Variants in SLC41A2 observed in about 807,000 individuals in gnomAD.
The protein encoded by SLC41A2 is solute carrier family 41 member 2, also known as SLC41A1-like 1.
Under a neutral mutation model 58.3 loss-of-function variants are expected in SLC41A2, and 32 were observed. The observed-to-expected ratio is 0.55, with a 90% CI of 0.41 to 0.74. The LOEUF is 0.74. Among genes scored for constraint, SLC41A2 ranks in the 30% least tolerant of loss-of-function variants. SLC41A2 has a pLI of 0.00. For synonymous variants in SLC41A2, 190 were observed against 235.0 expected, an observed-to-expected ratio of 0.81 and a Z score of 1.75; for missense variants, 514 against 680.6, an observed-to-expected ratio of 0.76 and a Z score of 2.72.
intron 10 of SLC41A2, among the ~76,000 whole-genome samples, chr12:104,842,016 T>C (rs1255055728): frequency 6.6e-6 from 1 of 152,028 alleles, no homozygotes; most frequent in Admixed American, 6.6e-5. Flanking sequence ...AACTAAAATA[T>C]TTGAATAAGA....
intron 4 of SLC41A2, 135 bp from the exon 5 acceptor site, chr12:104,889,312 G>T: frequency 1.1e-6 from 1 of 893,912 alleles, no homozygotes; most frequent in South Asian, 1.7e-5. Flanking sequence ...ACCTTTTAGA[G>T]TAGTTACTAT....
intron 4 of SLC41A2, among the ~76,000 whole-genome samples, chr12:104,889,769 T>A (rs1324767898): frequency 6.6e-6 from 1 of 152,108 alleles, no homozygotes; most frequent in Non-Finnish European, 1.5e-5. Flanking sequence ...ACCTCACAAA[T>A]AAGCACAATT....
At chr12:104,951,054 A>T (rs1268858103) in intron 1 of SLC41A2, among the ~76,000 whole-genome samples, 1 of 152,214 alleles carries the variant, frequency 6.6e-6, no homozygotes, top group African/African-American at 2.4e-5. Context: ...TTTTTAATTT[A>T]AAAAGTAATT....
At chr12:104,833,372 A>C (rs2042104328) in intron 10 of SLC41A2, among the ~76,000 whole-genome samples, 1 of 152,242 alleles carries the variant, frequency 6.6e-6, no homozygotes, top group Non-Finnish European at 1.5e-5. Context: ...ATACTTCTAC[A>C]GATGACATTA....
chr12:104,817,453 T>A (rs2041457196), intron 10 of SLC41A2, among the ~76,000 whole-genome samples: 1 of 152,188 alleles, frequency 6.6e-6, no homozygotes, highest in Non-Finnish European at 1.5e-5. Flanking sequence ...ACTTTATAAA[T>A]TTTTTAATTG....
intron 3 of SLC41A2, among the ~76,000 whole-genome samples, chr12:104,907,839 A>G (rs1248654727): frequency 6.6e-6 from 1 of 152,264 alleles, no homozygotes; most frequent in East Asian, 1.9e-4. Context: ...AGGACCTGGC[A>G]TATAATAAGA....
intron 6 of SLC41A2, among the ~76,000 whole-genome samples, chr12:104,884,910 G>T (rs1234865355): frequency 6.6e-6 from 1 of 152,154 alleles, no homozygotes; most frequent in African/African-American, 2.4e-5. Flanking sequence ...CTAGCCATAA[G>T]CTAATATTTT....
At chr12:104,823,407 A>G (rs567597586) in intron 10 of SLC41A2, among the ~76,000 whole-genome samples, 2 of 152,340 alleles carry the variant, frequency 1.3e-5, no homozygotes, top group South Asian at 2.1e-4. Flanking sequence ...AAAAGAAAAC[A>G]ACAGTTGCTT....
chr12:104,872,700 A>G (rs2043847055), intron 6 of SLC41A2, among the ~76,000 whole-genome samples: 1 of 152,190 alleles, frequency 6.6e-6, no homozygotes, highest in African/African-American at 2.4e-5. Context: ...ACTGCACTCC[A>G]GCCTGGGCGA....
At chr12:104,950,568 C>T (rs926939165) in intron 1 of SLC41A2, among the ~76,000 whole-genome samples, 2 of 152,184 alleles carry the variant, frequency 1.3e-5, no homozygotes, top group African/African-American at 4.8e-5. Flanking sequence ...CACAGTCTCA[C>T]TACTTTTCCC....
At chr12:104,873,099 T>C (rs1464346584) in intron 6 of SLC41A2, among the ~76,000 whole-genome samples, 2 of 152,228 alleles carry the variant, frequency 1.3e-5, no homozygotes, top group Non-Finnish European at 2.9e-5. Context: ...TGTACATTCA[T>C]TGGATCTCTA....
At chr12:104,938,091 C>A (rs974252418) in intron 1 of SLC41A2, among the ~76,000 whole-genome samples, 1 of 151,526 alleles carries the variant, frequency 6.6e-6, no homozygotes, top group African/African-American at 2.4e-5. Flanking sequence ...TTCTTGGTAG[C>A]ATTATCCATA....
At chr12:104,834,681 TAAAAA>T (rs35615983) in intron 10 of SLC41A2, among the ~76,000 whole-genome samples, 1 of 143,784 alleles carries the variant, frequency 7.0e-6, no homozygotes, top group African/African-American at 2.5e-5. Context: ...CATCATGATT[TAAAAA>T]AAAAAAAAGA....
At chr12:104,936,061 G>C (rs1471956104) in intron 1 of SLC41A2, among the ~76,000 whole-genome samples, 1 of 150,846 alleles carries the variant, frequency 6.6e-6, no homozygotes, top group Non-Finnish European at 1.5e-5. Flanking sequence ...AAAAATTCCT[G>C]TTGCCTAGTG....
In SLC41A2 at chr12:104,818,993, AAC is replaced by A. The variant is rs373670872; in HGVS notation, c.1537-13658_1537-13657del. Among the ~76,000 whole-genome samples the A allele has an allele frequency of 6.4e-4, 97 of 152,340 alleles. 1 individual carries two copies. Among genetic ancestry groups the A allele is most frequent in the African/African-American group, 2.0e-3 (83 of 41,584 alleles). ...AAATCAACTGTATAAAATCTGAAAAAACACAGATCATTTCAAATATACAATCA... is the reference window on the plus strand; with the variant it reads ...AAATCAACTGTATAAAATCTGAAAAAACAGATCATTTCAAATATACAATCA... On this transcript the variant is annotated intron_variant, in intron 10 of 10. Transcript: ENST00000258538.
At chr12:104,840,959 T>C (rs1394382315) in intron 10 of SLC41A2, among the ~76,000 whole-genome samples, 3 of 151,962 alleles carry the variant, frequency 2.0e-5, no homozygotes, top group Non-Finnish European at 4.4e-5. Flanking sequence ...GATGATATAC[T>C]CTGAAAAAAA....
intron 1 of SLC41A2, among the ~76,000 whole-genome samples, chr12:104,931,096 G>A (rs1052918381): frequency 1.3e-5 from 2 of 152,230 alleles, no homozygotes; most frequent in Non-Finnish European, 2.9e-5. Flanking sequence ...GCTCTGGGCT[G>A]GATTTTAGCC....
chr12:104,925,201 A>G (rs1187755363), intron 2 of SLC41A2, among the ~76,000 whole-genome samples: 1 of 152,164 alleles, frequency 6.6e-6, no homozygotes, highest in African/African-American at 2.4e-5. Flanking sequence ...TATTTTATAT[A>G]CTCTAGATGT....
chr12:104,900,163 A>G (rs566407758), intron 3 of SLC41A2, among the ~76,000 whole-genome samples: 45 of 152,260 alleles, frequency 3.0e-4, no homozygotes, highest in African/African-American at 1.0e-3. Context: ...CAAACTTTGC[A>G]ATTCTTACTC....
Sources: gnomAD v4.1 joint callset for allele counts (sites outside exome capture counted in the v4.1 genomes callset) on GRCh38, gnomAD v4.1.1 for gene constraint, MANE v1.5 for transcripts, NCBI Gene and HGNC (gene_info 2026-07-23, HGNC 2026-07-21) for gene names.